UGT2A1: variants seen among roughly 807,000 people sequenced by gnomAD.
UGT2A1 encodes the protein UDP-glucuronosyltransferase 2A1.
Under a neutral mutation model 45.4 loss-of-function variants are expected in UGT2A1, and 61 were observed. The ratio of observed to expected loss-of-function variants is 1.34; its 90% CI spans 1.09 to 1.66. UGT2A1 has a LOEUF of 1.66. UGT2A1 is among the 40% of genes most tolerant of loss of function. The pLI is 0.00. For synonymous variants in UGT2A1, 229 were observed against 196.2 expected (o/e 1.17, Z -1.40); for missense variants, 649 against 574.3 (o/e 1.13, Z -1.33).
rs532266884 is a variant in UGT2A1, at chr4:69,649,661, T to C, written c.-54-1963A>G. On this transcript the variant is annotated intron_variant, in intron 1 of 6. Coordinates refer to ENST00000286604, the MANE Select transcript of UGT2A1 (RefSeq NM_001252275.3). Reference sequence around the variant, plus strand: ...AGGCAAGGTCGACCCTAAAACACCCTTGTCTTTTGTAACCAGCAAAAGACA... The same window carrying C: ...AGGCAAGGTCGACCCTAAAACACCCCTGTCTTTTGTAACCAGCAAAAGACA... Among the ~76,000 whole-genome samples, 567 of 152,220 alleles carry C rather than the reference T, an allele frequency of 3.7e-3. 17 individuals carry two copies. Among genetic ancestry groups the C allele is most frequent in the Non-Finnish European group, 6.5e-4 (44 of 68,004 alleles).
At chr4:69,594,359 G>T in intron 6 of UGT2A1, 118 bp downstream of exon 6, 2 of 1,294,638 alleles carry the variant, frequency 1.5e-6, no homozygotes, top group Middle Eastern at 2.4e-4. Context: ...TTTTTATATT[G>T]GTCAGGTTAT....
intron 3 of UGT2A1, among the ~76,000 whole-genome samples, chr4:69,617,765 T>C (rs1720489802): frequency 6.6e-6 from 1 of 151,876 alleles, no homozygotes; most frequent in African/African-American, 2.4e-5. Flanking sequence ...ATAATACACT[T>C]ACTATCTAGG....
rs1396486729 is a variant in UGT2A1, at chr4:69,604,384, A to G, written c.848-4990T>C. Among the ~76,000 whole-genome samples, 6 of 136,812 alleles carry G rather than the reference A, an allele frequency of 4.4e-5. 1 individual carries two copies. Among genetic ancestry groups the G allele is most frequent in the African/African-American group, 1.8e-4 (6 of 33,802 alleles). 89.8% of individuals were successfully genotyped at this position (136,812 alleles called of 152,430 possible). A position where few individuals can be genotyped will look rare whatever the true frequency, so the allele number is the denominator to read the frequency against. ...CAAGCAAATGCTGAGAGATTTTGTCACCACCAGGCCCGCCCTAAAAGAGCT... is the reference window on the plus strand; with the variant it reads ...CAAGCAAATGCTGAGAGATTTTGTCGCCACCAGGCCCGCCCTAAAAGAGCT... On this transcript the variant is annotated intron_variant, in intron 3 of 6. Transcript: ENST00000286604.
intron 1 of UGT2A1, among the ~76,000 whole-genome samples, chr4:69,651,757 A>G (rs1722535213): frequency 6.6e-6 from 1 of 152,194 alleles, no homozygotes; most frequent in South Asian, 2.1e-4. Flanking sequence ...GTGCATTAAG[A>G]GACAAAATGT....
chr4:69,650,361 T>C (rs1047902855), intron 1 of UGT2A1, among the ~76,000 whole-genome samples: 1 of 152,126 alleles, frequency 6.6e-6, no homozygotes, highest in African/African-American at 2.4e-5. Flanking sequence ...AATACATACA[T>C]ATCTGTGACA....
At chr4:69,625,357 T>C (rs1720994969) in intron 3 of UGT2A1, among the ~76,000 whole-genome samples, 3 of 151,176 alleles carry the variant, frequency 2.0e-5, no homozygotes, top group Admixed American at 2.0e-4. Context: ...GGGGCCATTA[T>C]TTATTTTAAT....
chr4:69,590,799 G>T (rs1050990015), intron 6 of UGT2A1, among the ~76,000 whole-genome samples: 4 of 152,110 alleles, frequency 2.6e-5, no homozygotes, highest in African/African-American at 9.7e-5. Context: ...TCCTATAAAT[G>T]ATGTGGGACA....
chr4:69,625,822 A>G (rs1721022676), intron 3 of UGT2A1, among the ~76,000 whole-genome samples: 1 of 151,592 alleles, frequency 6.6e-6, no homozygotes, highest in Non-Finnish European at 1.5e-5. Context: ...ATTAAAATTA[A>G]TTAGTCTTGT....
intron 6 of UGT2A1, among the ~76,000 whole-genome samples, chr4:69,594,194 T>A (rs2109879136): frequency 6.6e-6 from 1 of 152,164 alleles, no homozygotes; most frequent in African/African-American, 2.4e-5. Context: ...CAGGATGGTC[T>A]CGATCTCCGG....
In UGT2A1 at chr4:69,606,746, G is replaced by A. The variant is rs1274366253; in HGVS notation, c.848-7352C>T. ...AAGTCTCAGGATACAAAATCAATGT[G>A]CAAAAATCACAAGCATTCTTATACA... is the stretch of plus-strand genomic sequence containing the variant. On this transcript the variant is annotated intron_variant, in intron 3 of 6. Transcript: ENST00000286604. Among the ~76,000 whole-genome samples, 4 of 136,532 alleles carry A rather than the reference G, an allele frequency of 2.9e-5. 1 individual carries two copies. The highest frequency in any genetic ancestry group is 5.9e-5 in the African/African-American group (2 of 33,666). The allele number at this position is 136,532 out of a possible 152,430, so 89.6% of individuals were successfully genotyped here. A position where few individuals can be genotyped will look rare whatever the true frequency, so the allele number is the denominator to read the frequency against.
chr4:69,600,129 G>A (rs1234868214), intron 3 of UGT2A1, among the ~76,000 whole-genome samples: 4 of 152,172 alleles, frequency 2.6e-5, no homozygotes, highest in Non-Finnish European at 5.9e-5. Flanking sequence ...AAAACCATGA[G>A]TCCCCAGAGT....
rs540952018 is a variant in UGT2A1 at position 69,604,651 on chromosome 4, T to A, written c.848-5257A>T. On this transcript the variant is annotated intron_variant, in intron 3 of 6. Coordinates refer to ENST00000286604, the MANE Select transcript of UGT2A1 (RefSeq NM_001252275.3). The stretch of plus-strand genomic sequence containing the variant: ...AAATTGGATAAAGAGCCAAGACCCA[T>A]CAGTGTGCTGTATTCAGGAAACCCA... 1.9e-4 allele frequency among the ~76,000 whole-genome samples: 26 copies of A among 136,750 alleles called. 4 individuals are homozygous for A. The highest frequency in any genetic ancestry group is 4.0e-4 in the Non-Finnish European group (26 of 64,282). The allele number at this position is 136,750 out of a possible 152,430, so 89.7% of individuals were successfully genotyped here. A position where few individuals can be genotyped will look rare whatever the true frequency, so the allele number is the denominator to read the frequency against.
In UGT2A1 at chr4:69,602,639, G is replaced by C. The variant is rs1298066578; in HGVS notation, c.848-3245C>G. Among the ~76,000 whole-genome samples, 4 of 137,196 alleles carry C rather than the reference G, an allele frequency of 2.9e-5. 1 individual carries two copies. Among genetic ancestry groups the C allele is most frequent in the Admixed American group, 2.9e-4 (4 of 13,966 alleles). 90.0% of individuals were successfully genotyped at this position (137,196 alleles called of 152,430 possible). On this transcript the variant is annotated intron_variant, in intron 3 of 6. Coordinates refer to ENST00000286604, the MANE Select transcript of UGT2A1 (RefSeq NM_001252275.3). ...AAATTTCTGTGCACAAGTAAACGAA[G>C]ATTTAATTTAAAAACTAAATTTCCA...
intron 4 of UGT2A1, chr4:69,596,101 T>C: frequency 8.4e-7 from 1 of 1,194,196 alleles, no homozygotes; most frequent in Non-Finnish European, 1.1e-6. Flanking sequence ...GTACACAATT[T>C]TAATATATTA....
chr4:69,618,855 G>A (rs1286039086), intron 3 of UGT2A1, among the ~76,000 whole-genome samples: 1 of 151,646 alleles, frequency 6.6e-6, no homozygotes, highest in South Asian at 2.1e-4. Flanking sequence ...AACAAAATAA[G>A]ACCAGCAAGA....
At chr4:69,603,811 G>C (rs1346563404) in intron 3 of UGT2A1, among the ~76,000 whole-genome samples, 1 of 135,574 alleles carries the variant, frequency 7.4e-6, no homozygotes, top group Admixed American at 7.3e-5. Flanking sequence ...GGAAGAAAGG[G>C]TATCAGTGAT....
intron 3 of UGT2A1, among the ~76,000 whole-genome samples, chr4:69,624,218 A>C (rs1352465435): frequency 6.6e-6 from 1 of 151,508 alleles, no homozygotes; most frequent in African/African-American, 2.4e-5. Context: ...TAACACCTTT[A>C]CTTATAAAAT....
At chr4:69,639,221 C>A in intron 2 of UGT2A1, 1 of 1,613,656 alleles carries the variant, frequency 6.2e-7, no homozygotes, top group Non-Finnish European at 8.5e-7. Flanking sequence ...ACTTTGGGTT[C>A]TTTAGTACAC....
chr4:69,640,941 A>G (rs1198218856), intron 2 of UGT2A1, among the ~76,000 whole-genome samples: 2 of 151,936 alleles, frequency 1.3e-5, no homozygotes, highest in African/African-American at 4.8e-5. Flanking sequence ...TCATAAAGAA[A>G]TCTGTTGCTG....
Sources: allele counts gnomAD v4.1 joint callset (sites outside exome capture counted in the v4.1 genomes callset), GRCh38; gene constraint gnomAD v4.1.1; transcripts MANE v1.5; gene names NCBI Gene and HGNC (gene_info 2026-07-23, HGNC 2026-07-21).